The following MARCHF1 variants were observed in gnomAD, a reference collection of about 807,000 sequenced individuals.
MARCHF1 encodes E3 ubiquitin-protein ligase MARCHF1.
MARCHF1 carries 40 observed loss-of-function variants against 54.2 expected under a neutral mutation model. The observed-to-expected ratio is 0.74, with a 90% confidence interval of 0.57 to 0.96. MARCHF1 has a LOEUF of 0.96. MARCHF1 is among the 40% of genes least tolerant of loss of function. The pLI, the probability that MARCHF1 is intolerant of heterozygous loss-of-function variation, is 0.00. For synonymous variants in MARCHF1, 236 were observed against 236.3 expected (o/e 1.00, Z 0.01); for missense variants, 586 against 656.5 (o/e 0.89, Z 1.17).
At chr4:163,857,666 T>C (rs889679153) in intron 3 of MARCHF1, among the ~76,000 whole-genome samples, 6 of 152,220 alleles carry the variant, frequency 3.9e-5, no homozygotes, top group African/African-American at 1.4e-4. Context: ...AATAGCAGCA[T>C]AGTGCATTCT....
intron 1 of MARCHF1, among the ~76,000 whole-genome samples, chr4:164,285,087 C>A (rs1393044029): frequency 6.6e-6 from 1 of 152,126 alleles, no homozygotes; most frequent in Admixed American, 6.5e-5. Context: ...TAAGAAACTA[C>A]CTGACTCTGC....
intron 5 of MARCHF1, among the ~76,000 whole-genome samples, chr4:163,615,881 A>T (rs1399131034): frequency 1.3e-5 from 2 of 152,156 alleles, no homozygotes; most frequent in Non-Finnish European, 2.9e-5. Flanking sequence ...AAACAGACAC[A>T]TAGACCCATG....
At chr4:164,115,525 G>A (rs1755921831) in intron 1 of MARCHF1, among the ~76,000 whole-genome samples, 1 of 152,000 alleles carries the variant, frequency 6.6e-6, no homozygotes, top group Non-Finnish European at 1.5e-5. Context: ...TATTGTGAAA[G>A]AATATTTATT....
At chr4:163,975,192 TCTCTCACA>T (rs1285520573) in intron 3 of MARCHF1, among the ~76,000 whole-genome samples, 35 of 104,506 alleles carry the variant, frequency 3.3e-4, no homozygotes, top group African/African-American at 1.1e-3. Context: ...TCTCTCTCTC[TCTCTCACA>T]CACACACACA....
intron 3 of MARCHF1, among the ~76,000 whole-genome samples, chr4:163,867,854 T>C (rs1476465827): frequency 7.2e-6 from 1 of 138,722 alleles, no homozygotes; most frequent in African/African-American, 2.6e-5. Flanking sequence ...ATTCTTCGGG[T>C]GAGTAGTCTC....
intron 4 of MARCHF1, among the ~76,000 whole-genome samples, chr4:163,823,187 T>C (rs1748747259): frequency 6.6e-6 from 1 of 151,814 alleles, no homozygotes; most frequent in Non-Finnish European, 1.5e-5. Context: ...TATCTGACAT[T>C]TGTGTCAGAA....
At chr4:164,186,837 T>C (rs866388279) in intron 1 of MARCHF1, among the ~76,000 whole-genome samples, 3 of 152,194 alleles carry the variant, frequency 2.0e-5, no homozygotes, top group Non-Finnish European at 2.9e-5. Flanking sequence ...GGACAGGGCA[T>C]TGAAGGTGTG....
chr4:164,332,051 T>G (rs2110807020), intron 1 of MARCHF1, among the ~76,000 whole-genome samples: 1 of 152,300 alleles, frequency 6.6e-6, no homozygotes, highest in South Asian at 2.1e-4. Context: ...CCTTATATTC[T>G]TCCCTTACAA....
At chr4:164,128,844 C>G (rs773278040) in intron 1 of MARCHF1, among the ~76,000 whole-genome samples, 1 of 152,176 alleles carries the variant, frequency 6.6e-6, no homozygotes, top group Non-Finnish European at 1.5e-5. Flanking sequence ...ATTGGATTAT[C>G]TGCATTACAA....
chr4:163,963,345 C>T (rs1045388670), intron 3 of MARCHF1, among the ~76,000 whole-genome samples: 9 of 151,738 alleles, frequency 5.9e-5, no homozygotes, highest in East Asian at 5.8e-4. Flanking sequence ...TTTTCTTTCT[C>T]GGCAGACCAT....
At chr4:163,908,161 A>G (rs181052861) in intron 3 of MARCHF1, among the ~76,000 whole-genome samples, 3 of 152,304 alleles carry the variant, frequency 2.0e-5, no homozygotes, top group African/African-American at 7.2e-5. Context: ...CTCAGACTAT[A>G]TTCTATCCAC....
chr4:164,347,557 T>C (rs1730143464), intron 1 of MARCHF1, among the ~76,000 whole-genome samples: 3 of 152,192 alleles, frequency 2.0e-5, no homozygotes. Flanking sequence ...AGGCAACTTG[T>C]TCCGTTTTCC....
At chr4:163,593,473 A>C (rs990906699) in intron 7 of MARCHF1, among the ~76,000 whole-genome samples, 12 of 152,218 alleles carry the variant, frequency 7.9e-5, no homozygotes, top group African/African-American at 2.9e-4. Flanking sequence ...TTGTATATAC[A>C]TAATAACAGC....
In MARCHF1 at chr4:164,022,362, T is replaced by A. The variant is rs77257806; in HGVS notation, c.-247-33653A>T. Among the ~76,000 whole-genome samples the A allele has an allele frequency of 6.1e-3, 926 of 152,286 alleles. 5 individuals are homozygous for A. The highest frequency in any genetic ancestry group is 0.021 in the African/African-American group (874 of 41,552). On this transcript the variant is annotated intron_variant, in intron 2 of 9. Transcript: ENST00000514618. ...GACCAAAATATAGAGTAAACCAACATACTTTGGCAGATCTTTGGATAGAGA... is the reference window on the plus strand; with the variant it reads ...GACCAAAATATAGAGTAAACCAACAAACTTTGGCAGATCTTTGGATAGAGA...
intron 1 of MARCHF1, among the ~76,000 whole-genome samples, chr4:164,257,252 C>T (rs1733313830): frequency 6.6e-6 from 1 of 152,070 alleles, no homozygotes; most frequent in Non-Finnish European, 1.5e-5. Flanking sequence ...CATATCTACA[C>T]CTAGGTTCAT....
chr4:164,258,290 T>G (rs1400424114), intron 1 of MARCHF1, among the ~76,000 whole-genome samples: 1 of 152,118 alleles, frequency 6.6e-6, no homozygotes, highest in African/African-American at 2.4e-5. Context: ...GAGAAATACC[T>G]AATGTAGATG....
chr4:164,226,108 C>T (rs930339476), intron 1 of MARCHF1, among the ~76,000 whole-genome samples: 2 of 151,920 alleles, frequency 1.3e-5, no homozygotes, highest in Non-Finnish European at 2.9e-5. Context: ...CCTTGGAGAA[C>T]ATCTGATTGG....
chr4:164,373,264 G>A (rs1278094285), intron 1 of MARCHF1, among the ~76,000 whole-genome samples: 1 of 151,604 alleles, frequency 6.6e-6, no homozygotes, highest in Non-Finnish European at 1.5e-5. Flanking sequence ...ATATGGCCTG[G>A]AATTTGAGCT....
Position 163,562,621 on chromosome 4 carries a change from G to A in MARCHF1, c.1192-16878C>T, listed in dbSNP as rs1409862859. On this transcript the variant is annotated intron_variant, in intron 8 of 9. Coordinates refer to ENST00000514618, the MANE Select transcript of MARCHF1 (RefSeq NM_001394959.1). ...CAATCTTTCTCATTGCTCTCTTCCTGACTCCTCTGAGCCTGAGGCTTCTAG... is the reference window on the plus strand; with the variant it reads ...CAATCTTTCTCATTGCTCTCTTCCTAACTCCTCTGAGCCTGAGGCTTCTAG... Among the ~76,000 whole-genome samples the A allele has an allele frequency of 2.6e-5, 4 of 151,936 alleles. No individual in the cohort carries two copies. In the East Asian group the frequency reaches 7.8e-4, roughly 30 times the overall value.
Sources: allele counts gnomAD v4.1 joint callset (sites outside exome capture counted in the v4.1 genomes callset), GRCh38; gene constraint gnomAD v4.1.1; transcripts MANE v1.5; gene names NCBI Gene and HGNC (gene_info 2026-07-23, HGNC 2026-07-21).